Variants in ARFGEF3 observed in about 807,000 individuals in gnomAD.
ARFGEF3 encodes the protein ARFGEF family member 3, also known as brefeldin A-inhibited guanine nucleotide-exchange protein 3.
Under a neutral mutation model 221.7 loss-of-function variants are expected in ARFGEF3, and 96 were observed. That is an observed-to-expected ratio of 0.43 (90% confidence interval 0.37 to 0.51). The LOEUF (loss-of-function observed/expected upper bound fraction) is 0.51, where lower values mean the gene tolerates loss of function less well. Ranked by LOEUF, ARFGEF3 falls within the 20% of genes least tolerant of loss-of-function variation. The pLI is 0.00. For synonymous variants in ARFGEF3, 1,145 were observed against 1,126.8 expected, an observed-to-expected ratio of 1.02 and a Z score of -0.32; for missense variants, 2,410 against 2,789.9, an observed-to-expected ratio of 0.86 and a Z score of 3.07.
At chr6:138,307,457 C>G in intron 23 of ARFGEF3, 60 bp downstream of exon 23, 1 of 1,470,006 alleles carries the variant, frequency 6.8e-7, no homozygotes, top group Non-Finnish European at 9.3e-7. Context: ...AAGTTTCATG[C>G]TATTAAAAAA....
intron 2 of ARFGEF3, among the ~76,000 whole-genome samples, chr6:138,190,484 G>A (rs563222986): frequency 8.9e-4 from 136 of 152,316 alleles, no homozygotes; most frequent in African/African-American, 3.2e-3. Flanking sequence ...CAGAGATGAA[G>A]CTTTGAGGTA....
chr6:138,254,171 C>T lies in ARFGEF3; in HGVS notation c.770+187C>T, dbSNP rs865908355. On this transcript the variant is annotated intron_variant, in intron 9 of 33. Coordinates refer to ENST00000251691, the MANE Select transcript of ARFGEF3 (RefSeq NM_020340.5). ...GTTGTTCACACCTGTAATCTCCGCA[C>T]TTTGGGAGGCCGAGGCAGGCATATT... 3.3e-5 allele frequency among the ~76,000 whole-genome samples: 5 copies of T among 152,274 alleles called. 1 individual carries two copies. The highest frequency in any genetic ancestry group is 6.8e-3 in the Middle Eastern group (2 of 294).
rs1778657230 is a variant in ARFGEF3, at chr6:138,255,416, T to G, written c.771-20T>G. 3 of 1,547,178 alleles carry G rather than the reference T, an allele frequency of 1.9e-6. No homozygotes were observed. Among genetic ancestry groups the G allele is most frequent in the Non-Finnish European group, 2.6e-6 (3 of 1,137,948 alleles). ...ATTTGGCTCGTGGGGAAAGTTACTT[T>G]TCTCACCATCTCTTCCCAGGAAAAA... On this transcript the variant is annotated intron_variant, in intron 9 of 33. Coordinates refer to ENST00000251691, the MANE Select transcript of ARFGEF3 (RefSeq NM_020340.5).
chr6:138,192,590 G>A (rs75472045), intron 2 of ARFGEF3, among the ~76,000 whole-genome samples: 3,134 of 152,304 alleles, frequency 0.021, 114 homozygotes, highest in African/African-American at 0.07. Context: ...TAGGCCTAAG[G>A]GCTGGCCATG....
chr6:138,273,923 G>T (rs1371773180), intron 12 of ARFGEF3, among the ~76,000 whole-genome samples: 4 of 152,068 alleles, frequency 2.6e-5, no homozygotes, highest in Admixed American at 1.3e-4. Context: ...TTACAAATTT[G>T]CCAGCTCTTT....
Position 138,334,702 on chromosome 6 carries a change from C to G in ARFGEF3, c.5856C>G (p.Thr1952=), listed in dbSNP as rs199934499. 4 of 1,610,338 alleles carry G rather than the reference C, an allele frequency of 2.5e-6. No homozygotes were observed. Among genetic ancestry groups the G allele is most frequent in the Non-Finnish European group, 3.4e-6 (4 of 1,177,256 alleles). Residue 1952 remains threonine (T), a synonymous_variant, in exon 33 of 34, where the codon ACC becomes ACG. Coordinates refer to ENST00000251691, the MANE Select transcript of ARFGEF3 (RefSeq NM_020340.5). The surrounding 1 kb of genome is among the most constrained non-coding windows in gnomAD (Gnocchi z 5.1). ...SFQSESSTPS[T]GGFSGKETPS... ...AGTCCGAGTCATCCACCCCATCCAC[C>G]GGGGGCTTCTCTGGGAAAGAAACCC...
intron 24 of ARFGEF3, among the ~76,000 whole-genome samples, chr6:138,309,751 C>G (rs1397127487): frequency 1.3e-5 from 2 of 152,176 alleles, no homozygotes; most frequent in Non-Finnish European, 1.5e-5. Context: ...GCCAGAGGCT[C>G]GAGAACCTGT....
chr6:138,213,928 G>T (rs190823345), intron 4 of ARFGEF3, among the ~76,000 whole-genome samples: 1 of 152,114 alleles, frequency 6.6e-6, no homozygotes, highest in African/African-American at 2.4e-5. Flanking sequence ...ACTTTGATAG[G>T]TCACAAGTGA....
At position 138,319,777 on chromosome 6, in the gene ARFGEF3, A is replaced by G. The variant is rs759512812; in HGVS notation, c.4549A>G (p.Lys1517Glu). 2 of 1,613,918 alleles carry G rather than the reference A, an allele frequency of 1.2e-6. No homozygotes were observed. The highest frequency in any genetic ancestry group is 1.7e-6 in the Non-Finnish European group (2 of 1,179,824). The change falls in exon 28 of 34, where the codon AAA becomes GAA. Residue 1517 changes from lysine to glutamate, a missense_variant. Lys to Glu is a moderately conservative substitution (Grantham distance 56). Coordinates refer to ENST00000251691, the MANE Select transcript of ARFGEF3 (RefSeq NM_020340.5). ...VMSVWLRRSH[K>E]DHSYWDMASA... Reference sequence around the variant, plus strand: ...GTCCGTTTGGCTCCGCCGGAGCCATAAAGACCATTCCTACTGGGATATGGC... The same window carrying G: ...GTCCGTTTGGCTCCGCCGGAGCCATGAAGACCATTCCTACTGGGATATGGC...
chr6:138,186,794 A>G (rs1374596390), intron 2 of ARFGEF3, among the ~76,000 whole-genome samples: 2 of 151,986 alleles, frequency 1.3e-5, no homozygotes, highest in African/African-American at 4.8e-5. Context: ...CTGAGCCAGG[A>G]TAAAAGAAAA....
intron 29 of ARFGEF3, among the ~76,000 whole-genome samples, chr6:138,323,078 A>G (rs553430109): frequency 9.2e-5 from 14 of 152,124 alleles, no homozygotes; most frequent in Non-Finnish European, 1.8e-4. Flanking sequence ...GGAAAATGGA[A>G]CTAGAATCCA....
intron 12 of ARFGEF3, among the ~76,000 whole-genome samples, chr6:138,272,969 G>A (rs959039091): frequency 6.6e-6 from 1 of 152,106 alleles, no homozygotes; most frequent in Non-Finnish European, 1.5e-5. Context: ...TCCACCAATA[G>A]AGCATTAAGA....
At chr6:138,192,787 A>G (rs545431010) in intron 2 of ARFGEF3, among the ~76,000 whole-genome samples, 1 of 152,334 alleles carries the variant, frequency 6.6e-6, no homozygotes, top group East Asian at 1.9e-4. Context: ...ACACTGCTTG[A>G]GATAGGTAAT....
chr6:138,289,617 G>A (rs1285992699), intron 17 of ARFGEF3, among the ~76,000 whole-genome samples: 1 of 152,210 alleles, frequency 6.6e-6, no homozygotes, highest in Non-Finnish European at 1.5e-5. Context: ...TCTGGAGCTG[G>A]AGAGCTGGGG....
chr6:138,285,998 T>C lies in ARFGEF3; in HGVS notation c.2514T>C (p.Ala838=), dbSNP rs1321533784. 1 of 1,611,092 alleles carries C rather than the reference T, an allele frequency of 6.2e-7. No individual in the cohort carries two copies. The highest frequency in any genetic ancestry group is 8.5e-7 in the Non-Finnish European group (1 of 1,179,754). ...TTGGTGGCCAGCTGATGGCCTCGGC[T>C]GCTACAGAGTCTCCTTTCGCCCAGA... The part of the protein sequence containing the change: ...SAIGGQLMAS[A]ATESPFAQSR... Residue 838 remains alanine, a synonymous_variant, in exon 15 of 34, where the codon GCT becomes GCC. Coordinates refer to ENST00000251691, the MANE Select transcript of ARFGEF3 (RefSeq NM_020340.5).
rs562551807 is a variant in ARFGEF3 at position 138,226,989 on chromosome 6, T to C, written c.352-2795T>C. Among the ~76,000 whole-genome samples the C allele has an allele frequency of 2.0e-5, 3 of 152,308 alleles. No individual in the cohort carries two copies. In the South Asian group the frequency reaches 6.2e-4, roughly 32 times the overall value. The stretch of plus-strand genomic sequence containing the variant: ...GCATGAGCTTAAGGAACTGGCTCCG[T>C]TAATGTGCTTTACTTTCCTTTCATT... On this transcript the variant is annotated intron_variant, in intron 4 of 33. Transcript: ENST00000251691.
At chr6:138,287,281 C>G in intron 17 of ARFGEF3, 97 bp downstream of exon 17, 1 of 884,090 alleles carries the variant, frequency 1.1e-6, no homozygotes, top group Non-Finnish European at 1.8e-6. Flanking sequence ...CGTGCCTGTT[C>G]TGTGTGTGAT....
At chr6:138,305,744 A>G (rs1160937106) in intron 22 of ARFGEF3, among the ~76,000 whole-genome samples, 1 of 152,230 alleles carries the variant, frequency 6.6e-6, no homozygotes, top group African/African-American at 2.4e-5. Flanking sequence ...TTAGTAGACT[A>G]AAAGATTAAA....
At chr6:138,305,888 A>T (rs180759419) in intron 22 of ARFGEF3, among the ~76,000 whole-genome samples, 2 of 152,304 alleles carry the variant, frequency 1.3e-5, no homozygotes, top group East Asian at 3.9e-4. Context: ...TGAGAATCCT[A>T]CATCTAACAT....
Sources: gnomAD v4.1 joint callset for allele counts (sites outside exome capture counted in the v4.1 genomes callset) on GRCh38, gnomAD v4.1.1 for gene constraint, Gnocchi (gnomAD v3.1) non-coding constraint, MANE v1.5 for transcripts, NCBI Gene and HGNC (gene_info 2026-07-23, HGNC 2026-07-21) for gene names.